Variants in REPS2 observed in about 807,000 individuals in gnomAD.
The protein encoded by REPS2 is RALBP1 associated Eps domain containing 2, also known as ralBP1-associated Eps domain-containing protein 2.
A neutral mutation model predicts 53.6 loss-of-function variants in REPS2; 23 were observed. The observed-to-expected ratio is 0.43, with a 90% CI of 0.31 to 0.61. REPS2 has a LOEUF of 0.61. REPS2 is among the 20% of genes least tolerant of loss of function. The probability of loss-of-function intolerance (pLI) is 0.11; values close to 1 mark genes in which losing one functional copy is unlikely to be tolerated. For synonymous variants in REPS2, 238 were observed against 218.6 expected (o/e 1.09, Z -0.78); for missense variants, 446 against 534.9 (o/e 0.83, Z 1.64).
chrX:17,192,746 C>T, the REPS2 span, among the ~76,000 whole-genome samples: 1 of 111,964 alleles, frequency 8.9e-6, no homozygotes, highest in Non-Finnish European at 1.9e-5. Flanking sequence ...GAACCACTTT[C>T]GGCACCCCAG....
At chrX:17,079,796 A>G (rs186996557) in intron 13 of REPS2, among the ~76,000 whole-genome samples, 7 of 112,648 alleles carry the variant, frequency 6.2e-5, no homozygotes, top group Admixed American at 9.4e-5. Flanking sequence ...ACATTTCTGC[A>G]GTATGAAAAG....
At chrX:16,971,008 A>G (rs747341796) in intron 1 of REPS2, among the ~76,000 whole-genome samples, 11 of 112,484 alleles carry the variant, frequency 9.8e-5, no homozygotes, top group Admixed American at 6.6e-4. Flanking sequence ...ATATATACCT[A>G]GAGGTGGAAT....
chrX:16,951,559 A>ACACCCAC (rs879259718), intron 1 of REPS2, among the ~76,000 whole-genome samples: 2 of 37,509 alleles, frequency 5.3e-5, no homozygotes, highest in Non-Finnish European at 1.1e-4. Flanking sequence ...ACACACACAC[A>ACACCCAC]CCCCCGCTAC....
chrX:17,179,717 CAA>C, the REPS2 span, among the ~76,000 whole-genome samples: 14 of 111,315 alleles, frequency 1.3e-4, no homozygotes, highest in Non-Finnish European at 1.9e-4. Context: ...ATTTGGGACC[CAA>C]GAGTCCCACA....
Position 17,148,437 on chromosome X carries a change from A to G in REPS2, c.*956A>G, listed in dbSNP as rs1056592682. ...TATCCAAACTGGGGAAGAAGGGGAA[A>G]TGGTTGTTACCAACAATCTCTAGTA... is the stretch of plus-strand genomic sequence containing the variant. On this transcript the variant is annotated 3_prime_UTR_variant, in exon 18 of 18. Coordinates refer to ENST00000357277, the MANE Select transcript of REPS2 (RefSeq NM_004726.3). 1 of 112,593 alleles carries G rather than the reference A, an allele frequency of 8.9e-6. No individual in the cohort carries two copies. The highest frequency in any genetic ancestry group is 9.4e-5 in the Admixed American group (1 of 10,656). The allele number at this position is 112,593 out of a possible 1,213,427, so 9.3% of individuals were successfully genotyped here. A position where few individuals can be genotyped will look rare whatever the true frequency, so the allele number is the denominator to read the frequency against.
In REPS2 at chrX:17,150,038, G is replaced by C. The variant is rs1229168007; in HGVS notation, c.*2557G>C. The C allele has an allele frequency of 3.6e-5, 4 of 112,398 alleles. No homozygotes were observed. Among genetic ancestry groups the C allele is most frequent in the African/African-American group, 1.3e-4 (4 of 30,859 alleles). 9.3% of individuals were successfully genotyped at this position (112,398 alleles called of 1,213,427 possible). A position where few individuals can be genotyped will look rare whatever the true frequency, so the allele number is the denominator to read the frequency against. ...GTAACCACAGTTTATTAGTTGCTTAGAAGTGGATTTTTAAAAAACAGTTAA... is the reference window on the plus strand; with the variant it reads ...GTAACCACAGTTTATTAGTTGCTTACAAGTGGATTTTTAAAAAACAGTTAA... On this transcript the variant is annotated 3_prime_UTR_variant, in exon 18 of 18. Transcript: ENST00000357277.
intron 5 of REPS2, among the ~76,000 whole-genome samples, chrX:17,042,843 TG>T (rs1417379215): frequency 6.3e-5 from 7 of 111,449 alleles, no homozygotes; most frequent in African/African-American, 2.3e-4. Context: ...TCACCCAGGC[TG>T]GGGTTCAGTG....
chrX:17,079,326 G>T (rs1038511859), intron 13 of REPS2, among the ~76,000 whole-genome samples: 4 of 111,404 alleles, frequency 3.6e-5, no homozygotes, highest in African/African-American at 1.3e-4. Context: ...ATAACACCCC[G>T]ACTTCCTTGA....
chrX:16,969,634 G>T (rs1000272008), intron 1 of REPS2, among the ~76,000 whole-genome samples: 1 of 111,220 alleles, frequency 9.0e-6, no homozygotes, highest in Non-Finnish European at 1.9e-5. Context: ...GCTGAGGCAG[G>T]AGAATCAGGC....
At chrX:17,125,830 A>G (rs921241914) in intron 14 of REPS2, among the ~76,000 whole-genome samples, 2 of 112,364 alleles carry the variant, frequency 1.8e-5, no homozygotes, top group Non-Finnish European at 1.9e-5. Context: ...GAGAAAAAGC[A>G]TTTTGATTAG....
Position 17,014,552 on chromosome X carries a change from T to G in REPS2, c.398-7571T>G, listed in dbSNP as rs111914731. Among the ~76,000 whole-genome samples, 601 of 112,018 alleles carry G rather than the reference T, an allele frequency of 5.4e-3. 3 individuals carry two copies. The highest frequency in any genetic ancestry group is 0.018 in the African/African-American group (547 of 30,831). ...GTTGATAAGACTGGCCTGATTTTTT[T>G]TTTTGTTTTGTTTTTTGTTTTCCCC... On this transcript the variant is annotated intron_variant, in intron 2 of 17. Transcript: ENST00000357277.
the REPS2 span, among the ~76,000 whole-genome samples, chrX:17,163,221 G>A: frequency 9.0e-6 from 1 of 111,667 alleles, no homozygotes; most frequent in African/African-American, 3.2e-5. Context: ...AAGTACCAGA[G>A]GGGAAAAACA....
At chrX:16,979,630 T>G (rs1389374369) in intron 1 of REPS2, among the ~76,000 whole-genome samples, 1 of 111,971 alleles carries the variant, frequency 8.9e-6, no homozygotes, top group Non-Finnish European at 1.9e-5. Flanking sequence ...TTAATGTTAC[T>G]TATTATTTGT....
At chrX:17,022,345 G>A in intron 3 of REPS2, 74 bp downstream of exon 3, 1 of 961,409 alleles carries the variant, frequency 1.0e-6, no homozygotes, top group South Asian at 3.0e-5. Context: ...CGTATCTACT[G>A]TTCAGCTTCC....
the REPS2 span, among the ~76,000 whole-genome samples, chrX:17,192,904 G>A: frequency 1.8e-5 from 2 of 112,382 alleles, no homozygotes; most frequent in African/African-American, 3.2e-5. Context: ...CTCTTTGTGA[G>A]CATGGCTTCT....
At chrX:17,171,986 G>A in the REPS2 span, among the ~76,000 whole-genome samples, 22 of 111,526 alleles carry the variant, frequency 2.0e-4, no homozygotes, top group African/African-American at 2.6e-4. Flanking sequence ...TACCTATTAC[G>A]TGTCAGGCTC....
chrX:17,061,779 C>G (rs921258302), intron 8 of REPS2, among the ~76,000 whole-genome samples: 5 of 112,333 alleles, frequency 4.5e-5, no homozygotes, highest in African/African-American at 1.6e-4. Context: ...TACCAAGTAG[C>G]CTGATCTTTC....
intron 6 of REPS2, among the ~76,000 whole-genome samples, chrX:17,048,877 T>G (rs975654296): frequency 8.9e-6 from 1 of 112,919 alleles, no homozygotes; most frequent in South Asian, 3.6e-4. Context: ...TATTATGTAT[T>G]TATTATGCTA....
chrX:16,955,076 G>T (rs1420700913), intron 1 of REPS2, among the ~76,000 whole-genome samples: 3 of 111,010 alleles, frequency 2.7e-5, no homozygotes, highest in Non-Finnish European at 5.7e-5. Context: ...GCCTCCCAAA[G>T]TGCTGGGATT....
Sources: allele counts gnomAD v4.1 joint callset (sites outside exome capture counted in the v4.1 genomes callset), GRCh38; gene constraint gnomAD v4.1.1; transcripts MANE v1.5; gene names NCBI Gene and HGNC (gene_info 2026-07-23, HGNC 2026-07-21).